Variants in ZNF254 observed in about 807,000 individuals in gnomAD.
ZNF254 encodes the protein CTD-2017D11.1.
Under a neutral mutation model 12.4 loss-of-function variants are expected in ZNF254, and 10 were observed. The ratio of observed to expected loss-of-function variants is 0.80; its 90% confidence interval spans 0.50 to 1.36. The LOEUF (loss-of-function observed/expected upper bound fraction) is 1.36. Ranked by LOEUF, ZNF254 falls within the 40% of genes most tolerant of loss-of-function variation. The pLI is 0.00. For missense variants in ZNF254, 996 were observed against 763.9 expected, an observed-to-expected ratio of 1.30 and a Z score of -3.58; for synonymous variants, 305 against 253.4, an observed-to-expected ratio of 1.20 and a Z score of -1.93.
chr19:24,108,138 C>T (rs1018665136), intron 3 of ZNF254, among the ~76,000 whole-genome samples: 4 of 152,066 alleles, frequency 2.6e-5, no homozygotes, highest in Admixed American at 1.3e-4. Context: ...TAGGCAAAAC[C>T]GGCCATGAAC....
intron 2 of ZNF254, among the ~76,000 whole-genome samples, chr19:24,057,661 A>T (rs1439713755): frequency 3.3e-5 from 5 of 152,236 alleles, no homozygotes; most frequent in Admixed American, 1.3e-4. Flanking sequence ...ATCCAGAGAC[A>T]GTTGCAAGTT....
intron 2 of ZNF254, among the ~76,000 whole-genome samples, chr19:24,051,764 A>G (rs1359277468): frequency 6.6e-6 from 1 of 151,136 alleles, no homozygotes; most frequent in African/African-American, 2.4e-5. Flanking sequence ...CTCCTCTTCT[A>G]CCTGGGAACT....
intron 3 of ZNF254, among the ~76,000 whole-genome samples, chr19:24,110,980 T>G (rs896135954): frequency 6.6e-6 from 1 of 152,120 alleles, no homozygotes; most frequent in African/African-American, 2.4e-5. Context: ...ACTACAAGTT[T>G]TAGGGTACAT....
chr19:24,123,050 G>C (rs2145977451), intron 3 of ZNF254, among the ~76,000 whole-genome samples: 1 of 152,232 alleles, frequency 6.6e-6, no homozygotes, highest in South Asian at 2.1e-4. Context: ...TTTTGGGGTT[G>C]CTGTTCCTGT....
At chr19:24,065,508 TGTG>T (rs1971236792) in intron 2 of ZNF254, 1 of 152,118 alleles carries the variant, frequency 6.6e-6, no homozygotes, top group African/African-American at 2.4e-5. Flanking sequence ...GATGTAATGG[TGTG>T]GTGACTCTCA....
chr19:24,109,324 A>G (rs977020373), intron 3 of ZNF254, among the ~76,000 whole-genome samples: 2 of 152,204 alleles, frequency 1.3e-5, no homozygotes, highest in Admixed American at 6.5e-5. Flanking sequence ...CCTTCCTTGA[A>G]TGCACAGTTA....
intron 1 of ZNF254, among the ~76,000 whole-genome samples, chr19:24,038,918 T>C (rs1475981843): frequency 6.6e-6 from 1 of 152,242 alleles, no homozygotes; most frequent in East Asian, 1.9e-4. Context: ...GGTTCACACA[T>C]TTGCATTGAG....
chr19:24,085,408 G>GTATGTATATATATATATATATATATA (rs1971989530), upstream of ZNF254, among the ~76,000 whole-genome samples: 1 of 32,710 alleles, frequency 3.1e-5, no homozygotes, highest in Non-Finnish European at 5.4e-5. Context: ...TTTGTTAAGG[G>GTATGTATATATATATATATATATATA]TATATATATA....
At chr19:24,075,891 C>A (rs1451912607) in intron 2 of ZNF254, among the ~76,000 whole-genome samples, 2 of 152,158 alleles carry the variant, frequency 1.3e-5, no homozygotes, top group Admixed American at 6.5e-5. Context: ...TTTTGCCAGG[C>A]CTGTTCCTTG....
At chr19:24,071,462 G>A (rs542849996) in intron 2 of ZNF254, among the ~76,000 whole-genome samples, 1 of 152,258 alleles carries the variant, frequency 6.6e-6, no homozygotes, top group East Asian at 1.9e-4. Context: ...CCCATGCCTG[G>A]GTGCTTCCCA....
chr19:24,038,534 C>G (rs893373822), intron 1 of ZNF254, among the ~76,000 whole-genome samples: 1 of 151,920 alleles, frequency 6.6e-6, no homozygotes, highest in African/African-American at 2.4e-5. Context: ...TATAATTTTT[C>G]TGAGGCTTCA....
chr19:24,059,458 C>T (rs1362641610), intron 2 of ZNF254, among the ~76,000 whole-genome samples: 2 of 152,182 alleles, frequency 1.3e-5, no homozygotes, highest in Non-Finnish European at 2.9e-5. Flanking sequence ...TGCTCTTATT[C>T]TTCAGTCATT....
intron 2 of ZNF254, among the ~76,000 whole-genome samples, chr19:24,081,629 C>T (rs1971848356): frequency 6.6e-6 from 1 of 152,060 alleles, no homozygotes; most frequent in Non-Finnish European, 1.5e-5. Flanking sequence ...ACCCAAATGA[C>T]CAATGTTTAC....
chr19:24,115,499 G>A (rs528851593), intron 3 of ZNF254, among the ~76,000 whole-genome samples: 13 of 148,894 alleles, frequency 8.7e-5, no homozygotes, highest in Non-Finnish European at 1.5e-4. Flanking sequence ...ACAGGAAGGG[G>A]AAAATCACAC....
intron 2 of ZNF254, chr19:24,079,231 G>C (rs997039706): frequency 2.2e-4 from 33 of 152,234 alleles, no homozygotes; most frequent in African/African-American, 7.2e-4. Context: ...CTTATTTCAA[G>C]CCCCCCTGCC....
intron 2 of ZNF254, among the ~76,000 whole-genome samples, chr19:24,055,758 C>T (rs549473257): frequency 6.6e-6 from 1 of 152,302 alleles, no homozygotes; most frequent in East Asian, 1.9e-4. Context: ...CAAGATTCAG[C>T]ATGCGTATGA....
chr19:24,081,412 G>A (rs904418018), intron 2 of ZNF254, among the ~76,000 whole-genome samples: 1 of 152,100 alleles, frequency 6.6e-6, no homozygotes, highest in African/African-American at 2.4e-5. Context: ...GATGACAGGG[G>A]ACACTTATTG....
At chr19:24,096,492 C>G (rs1329545399) in intron 1 of ZNF254, among the ~76,000 whole-genome samples, 1 of 151,872 alleles carries the variant, frequency 6.6e-6, no homozygotes, top group Non-Finnish European at 1.5e-5. Context: ...TTTTATTGAA[C>G]TATATTTCTG....
intron 2 of ZNF254, among the ~76,000 whole-genome samples, chr19:24,049,700 T>C (rs1490295786): frequency 2.0e-5 from 3 of 152,038 alleles, no homozygotes; most frequent in Non-Finnish European, 4.4e-5. Context: ...ACACATAGGT[T>C]ATGTGACTCT....
Sources: allele counts gnomAD v4.1 joint callset (sites outside exome capture counted in the v4.1 genomes callset), GRCh38; gene constraint gnomAD v4.1.1; transcripts MANE v1.5; gene names NCBI Gene and HGNC (gene_info 2026-07-23, HGNC 2026-07-21).